Variants in ARRB1 observed in about 807,000 individuals in gnomAD.
ARRB1 encodes beta-arrestin-1.
A neutral mutation model predicts 56.8 loss-of-function variants in ARRB1; 21 were observed. The ratio of observed to expected loss-of-function variants is 0.37; its 90% CI spans 0.26 to 0.53. ARRB1 has a LOEUF of 0.53. ARRB1 is among the 20% of genes least tolerant of loss of function. The probability of loss-of-function intolerance (pLI) is 0.88; values close to 1 mark genes in which losing one functional copy is unlikely to be tolerated. For synonymous variants in ARRB1, 210 were observed against 218.6 expected (o/e 0.96, Z 0.35); for missense variants, 424 against 553.7 (o/e 0.77, Z 2.35).
chr11:75,341,160 CAG>C (rs1387005003), intron 1 of ARRB1, among the ~76,000 whole-genome samples: 1 of 152,098 alleles, frequency 6.6e-6, no homozygotes, highest in South Asian at 2.1e-4. Context: ...GTTGTTGAGA[CAG>C]AGTCTCACTC....
rs1383282287 is a variant in ARRB1 at position 75,331,575 on chromosome 11, C to T, written c.20+20013G>A. 3.9e-5 allele frequency among the ~76,000 whole-genome samples: 6 copies of T among 152,086 alleles called. No homozygotes were observed. In the South Asian group the frequency reaches 1.0e-3, roughly 26 times the overall value. On this transcript the variant is annotated intron_variant, in intron 1 of 15. Coordinates refer to ENST00000420843, the MANE Select transcript of ARRB1 (RefSeq NM_004041.5). ...GCTCATCCTGGCTCAAAAGCTCCCC[C>T]GCTGAACACCTTGTGACCCCCACCC...
chr11:75,339,744 G>T (rs549365628), intron 1 of ARRB1, among the ~76,000 whole-genome samples: 1 of 152,280 alleles, frequency 6.6e-6, no homozygotes, highest in South Asian at 2.1e-4. Flanking sequence ...AGCAGCATGA[G>T]GGCAGAGACT....
intron 1 of ARRB1, among the ~76,000 whole-genome samples, chr11:75,296,351 G>A (rs540503232): frequency 2.9e-4 from 44 of 152,198 alleles, no homozygotes; most frequent in African/African-American, 9.9e-4. Flanking sequence ...TGCCCTATCC[G>A]TGTCTGTGCA....
At chr11:75,346,686 C>T (rs1344826399) in intron 1 of ARRB1, among the ~76,000 whole-genome samples, 1 of 152,174 alleles carries the variant, frequency 6.6e-6, no homozygotes, top group East Asian at 1.9e-4. Flanking sequence ...TCTTTGGCTC[C>T]AAGAATATGG....
chr11:75,297,038 A>G (rs930375280), intron 1 of ARRB1, among the ~76,000 whole-genome samples: 1 of 152,218 alleles, frequency 6.6e-6, no homozygotes, highest in Non-Finnish European at 1.5e-5. Context: ...TAGAATATTA[A>G]GCAGAGTAAG....
chr11:75,351,197 G>C (rs1947845196), intron 1 of ARRB1, among the ~76,000 whole-genome samples: 1 of 152,224 alleles, frequency 6.6e-6, no homozygotes, highest in Non-Finnish European at 1.5e-5. Flanking sequence ...GTGTATGACG[G>C]CGTGCCACTG....
intron 1 of ARRB1, among the ~76,000 whole-genome samples, chr11:75,349,565 C>G (rs530685309): frequency 2.0e-5 from 3 of 152,288 alleles, no homozygotes; most frequent in Admixed American, 1.3e-4. Context: ...CAGAGAGACC[C>G]AAGAGAGGCT....
Position 75,335,212 on chromosome 11 carries a change from G to A in ARRB1, c.20+16376C>T, listed in dbSNP as rs552666187. 20 of 202,914 alleles carry A rather than the reference G, an allele frequency of 9.9e-5. No individual in the cohort carries two copies. In the South Asian group the frequency reaches 1.6e-3, roughly 16 times the overall value. 12.6% of individuals were successfully genotyped at this position (202,914 alleles called of 1,614,324 possible). ...GCTCCGGAAGACATTCCTTCTTCTT[G>A]ATGGGAGTCCCGCTGCTACTTAACC... On this transcript the variant is annotated intron_variant, in intron 1 of 15. Transcript: ENST00000420843.
intron 1 of ARRB1, among the ~76,000 whole-genome samples, chr11:75,343,995 T>G (rs1947730799): frequency 6.6e-6 from 1 of 152,082 alleles, no homozygotes; most frequent in African/African-American, 2.4e-5. Context: ...TTTCATATTT[T>G]TAGTAGAGAC....
At chr11:75,287,230 C>T (rs1946501779) in intron 3 of ARRB1, 85 bp downstream of exon 3, 6 of 1,392,006 alleles carry the variant, frequency 4.3e-6, no homozygotes, top group South Asian at 1.4e-5. Context: ...GGCACCGGGC[C>T]CCTCTGGAGA....
intron 3 of ARRB1, among the ~76,000 whole-genome samples, chr11:75,285,204 G>A (rs1307421219): frequency 3.3e-5 from 5 of 152,332 alleles, no homozygotes; most frequent in East Asian, 1.9e-4. Context: ...CTCCCGTGAC[G>A]ACTGAATGGG....
intron 1 of ARRB1, among the ~76,000 whole-genome samples, chr11:75,319,605 G>T (rs1463998777): frequency 6.6e-6 from 1 of 152,140 alleles, no homozygotes; most frequent in Admixed American, 6.5e-5. Flanking sequence ...TTTCCTGGCT[G>T]CTCCTCCAGC....
intron 1 of ARRB1, among the ~76,000 whole-genome samples, chr11:75,310,587 G>C (rs1947135493): frequency 6.6e-6 from 1 of 152,148 alleles, no homozygotes; most frequent in Non-Finnish European, 1.5e-5. Context: ...TGAGCTTACG[G>C]AATGTGCTTC....
chr11:75,273,422 G>A (rs1946116367), intron 11 of ARRB1, among the ~76,000 whole-genome samples: 2 of 152,228 alleles, frequency 1.3e-5, no homozygotes, highest in Admixed American at 1.3e-4. Flanking sequence ...GGGTCTTGAA[G>A]ATGGGTAGGG....
intron 1 of ARRB1, among the ~76,000 whole-genome samples, chr11:75,308,440 G>C (rs528335963): frequency 2.0e-5 from 3 of 152,296 alleles, no homozygotes; most frequent in Admixed American, 6.5e-5. Context: ...AACAATCTGG[G>C]CATATTTTCT....
chr11:75,320,418 G>A (rs780975579), intron 1 of ARRB1, among the ~76,000 whole-genome samples: 11 of 152,262 alleles, frequency 7.2e-5, no homozygotes, highest in Non-Finnish European at 1.3e-4. Flanking sequence ...CCAGCAGACT[G>A]AGACCTGTGG....
At chr11:75,278,576 G>GC in intron 8 of ARRB1, 33 bp downstream of exon 8, 17 of 1,613,200 alleles carry the variant, frequency 1.1e-5, no homozygotes, top group Middle Eastern at 1.7e-4. Context: ...TGGTGGAGCA[G>GC]CCCCCACCCC....
intron 2 of ARRB1, among the ~76,000 whole-genome samples, chr11:75,287,733 G>A (rs1015266164): frequency 1.3e-5 from 2 of 152,240 alleles, no homozygotes; most frequent in African/African-American, 2.4e-5. Context: ...GAGGGTGAGA[G>A]CCCCCAGGCA....
At chr11:75,318,635 A>G (rs60892956) in intron 1 of ARRB1, among the ~76,000 whole-genome samples, 3,124 of 151,996 alleles carry the variant, frequency 0.021, 120 homozygotes, top group African/African-American at 0.072. Flanking sequence ...GGTGGCAGTG[A>G]GCTGAGATCA....
Sources: gnomAD v4.1 joint callset for allele counts (sites outside exome capture counted in the v4.1 genomes callset) on GRCh38, gnomAD v4.1.1 for gene constraint, MANE v1.5 for transcripts, NCBI Gene and HGNC (gene_info 2026-07-23, HGNC 2026-07-21) for gene names.